NASP: variants seen among roughly 807,000 people sequenced by gnomAD.
NASP encodes the protein nuclear autoantigenic sperm protein.
NASP carries 24 observed loss-of-function variants against 89.5 expected under a neutral mutation model. That is an observed-to-expected ratio of 0.27 (90% CI 0.19 to 0.38). The LOEUF (loss-of-function observed/expected upper bound fraction) is 0.38. NASP is among the 10% of genes least tolerant of loss of function. NASP has a pLI of 1.00. For synonymous variants in NASP, 306 were observed against 324.7 expected, an observed-to-expected ratio of 0.94 and a Z score of 0.62; for missense variants, 848 against 921.4, an observed-to-expected ratio of 0.92 and a Z score of 1.03.
chr1:45,593,228 T>C (rs1411258802), intron 2 of NASP, among the ~76,000 whole-genome samples: 1 of 152,112 alleles, frequency 6.6e-6, no homozygotes, highest in Non-Finnish European at 1.5e-5. Flanking sequence ...GATTCTGATA[T>C]TAGTTGTGTT....
At position 45,606,608 on chromosome 1, in the gene NASP, G is replaced by A; in HGVS notation, c.409+17G>A. ...ACATAGATGGTATGTGGAGTTGCAT[G>A]TGACATTCAAGAGATGCGACGTTGT... On this transcript the variant is annotated intron_variant, in intron 5 of 14. Transcript: ENST00000350030. The A allele has an allele frequency of 6.6e-7, 1 of 1,524,618 alleles. No homozygotes were observed. 94.4% of individuals were successfully genotyped at this position (1,524,618 alleles called of 1,614,324 possible).
chr1:45,587,022 C>T (rs1644560971), intron 1 of NASP, among the ~76,000 whole-genome samples: 1 of 152,122 alleles, frequency 6.6e-6, no homozygotes, highest in South Asian at 2.1e-4. Context: ...ATAGCAGCTT[C>T]ATTGCTTCAG....
chr1:45,592,323 C>T (rs953797745), intron 2 of NASP, among the ~76,000 whole-genome samples: 2 of 152,008 alleles, frequency 1.3e-5, no homozygotes, highest in African/African-American at 2.4e-5. Flanking sequence ...CTTTGTTGGC[C>T]AGGGTGGTCT....
intron 6 of NASP, chr1:45,612,354 T>A (rs1038205348): frequency 6.6e-6 from 1 of 152,184 alleles, no homozygotes; most frequent in Non-Finnish European, 1.5e-5. Context: ...TAATGAAAGA[T>A]GGCAGAGAGA....
At chr1:45,591,015 G>C (rs959264071) in intron 1 of NASP, among the ~76,000 whole-genome samples, 3 of 152,192 alleles carry the variant, frequency 2.0e-5, no homozygotes, top group African/African-American at 7.2e-5. Flanking sequence ...TTATAGCTGT[G>C]AAGTTGCCAC....
intron 2 of NASP, among the ~76,000 whole-genome samples, chr1:45,595,102 TCCTGCCTCAG>T (rs1643656572): frequency 6.7e-6 from 1 of 148,818 alleles, no homozygotes; most frequent in Non-Finnish European, 1.5e-5. Flanking sequence ...CAAGAGATAC[TCCTGCCTCAG>T]CCTGCCAGAC....
intron 1 of NASP, among the ~76,000 whole-genome samples, chr1:45,585,428 T>C (rs949268180): frequency 5.9e-5 from 9 of 152,156 alleles, no homozygotes; most frequent in African/African-American, 2.2e-4. Flanking sequence ...TACCACCTTT[T>C]CTCTCTGCGT....
intron 2 of NASP, among the ~76,000 whole-genome samples, chr1:45,601,148 C>T (rs2148348864): frequency 6.6e-6 from 1 of 152,174 alleles, no homozygotes; most frequent in South Asian, 2.1e-4. Flanking sequence ...TCTTTCAAAA[C>T]CAAGTTTTTC....
chr1:45,612,164 C>A (rs1047148921), intron 6 of NASP: 3 of 152,100 alleles, frequency 2.0e-5, no homozygotes, highest in African/African-American at 7.2e-5. Flanking sequence ...TGAGTCACCG[C>A]GCCTGACCCT....
At chr1:45,602,678 C>CT (rs1228542971) in intron 3 of NASP, among the ~76,000 whole-genome samples, 1 of 152,140 alleles carries the variant, frequency 6.6e-6, no homozygotes, top group Non-Finnish European at 1.5e-5. Flanking sequence ...GACAGGGTCT[C>CT]TGTCACCCAG....
At chr1:45,602,137 G>C in intron 2 of NASP, 118 bp from the exon 3 acceptor site, 2 of 1,229,684 alleles carry the variant, frequency 1.6e-6, no homozygotes, top group Admixed American at 2.9e-5. Context: ...TGTTAGCCAG[G>C]CCTTGCCAGA....
intron 4 of NASP, among the ~76,000 whole-genome samples, chr1:45,605,927 CCA>C (rs936662036): frequency 2.0e-5 from 3 of 151,478 alleles, no homozygotes; most frequent in African/African-American, 7.3e-5. Flanking sequence ...CAAGTATGCG[CCA>C]CCATGTCCAG....
intron 4 of NASP, 42 bp downstream of exon 4, chr1:45,605,058 A>G (rs1643890763): frequency 3.5e-6 from 5 of 1,430,264 alleles, no homozygotes; most frequent in Non-Finnish European, 4.9e-6. Context: ...CCTTGTTAAG[A>G]TTGTTTACTA....
chr1:45,615,105 C>T lies in NASP; in HGVS notation c.1759C>T (p.His587Tyr). 6.2e-7 allele frequency: 1 copy of T among 1,614,122 alleles called. No homozygotes were observed. The highest frequency in any genetic ancestry group is 1.1e-5 in the South Asian group (1 of 91,080). ...CCACGACCGTCTCCTTGCAGAGACC[C>T]ACTACCAGCTGGGCTTGGCTTATGG... is the stretch of plus-strand genomic sequence containing the variant. ...EAHDRLLAET[H>Y]YQLGLAYGYN... Residue 587 changes from histidine to tyrosine, a missense_variant, in exon 10 of 15, where the codon CAC (histidine) becomes TAC (tyrosine). Coordinates refer to ENST00000350030, the MANE Select transcript of NASP (RefSeq NM_002482.4).
At chr1:45,617,710 G>A in intron 14 of NASP, 119 bp downstream of exon 14, 1 of 1,222,022 alleles carries the variant, frequency 8.2e-7, no homozygotes, top group East Asian at 2.5e-5. Context: ...GTTGAGTGCA[G>A]TCCTCACAGA....
chr1:45,616,618 T>G lies in NASP; in HGVS notation c.2080-8T>G. The G allele has an allele frequency of 6.2e-7, 1 of 1,613,434 alleles. No homozygotes were observed. The highest frequency in any genetic ancestry group is 8.5e-7 in the Non-Finnish European group (1 of 1,179,324). ...TGTACAATTGCTAATAAGGGCTTAT[T>G]TTGCCAGATTGCCAGTAGAAAGCCA... On this transcript the variant is annotated splice_polypyrimidine_tract_variant and splice_region_variant and intron_variant, in intron 12 of 14. Transcript: ENST00000350030.
rs1280103747 is a variant in NASP at position 45,586,272 on chromosome 1, GTGTGTGTGTGTGGTGTGTGTGTGTGT to G, written c.59+2068_59+2093del. Among the ~76,000 whole-genome samples, 639 of 74,956 alleles carry G rather than the reference GTGTGTGTGTGTGGTGTGTGTGTGTGT, an allele frequency of 8.5e-3. 13 individuals carry two copies. The highest frequency in any genetic ancestry group is 0.027 in the East Asian group (69 of 2,572). 49.2% of individuals were successfully genotyped at this position (74,956 alleles called of 152,430 possible). A position where few individuals can be genotyped will look rare whatever the true frequency, so the allele number is the denominator to read the frequency against. ...TGTGTGTGTGTGTGTGTGTGTGTGT[GTGTGTGTGTGTGGTGTGTGTGTGTGT>G]GTGTGTGTGTGGTGTGTGTGTGTGT... On this transcript the variant is annotated intron_variant, in intron 1 of 14. Coordinates refer to ENST00000350030, the MANE Select transcript of NASP (RefSeq NM_002482.4).
chr1:45,614,784 G>T (rs1358017960), intron 9 of NASP, among the ~76,000 whole-genome samples: 1 of 151,978 alleles, frequency 6.6e-6, no homozygotes, highest in African/African-American at 2.4e-5. Context: ...TGATCTGCCC[G>T]CCTCAGCCTC....
intron 2 of NASP, among the ~76,000 whole-genome samples, chr1:45,594,215 G>A (rs540220495): frequency 6.6e-6 from 1 of 152,022 alleles, no homozygotes; most frequent in Non-Finnish European, 1.5e-5. Context: ...TGTAATTCCA[G>A]CTACTTGGGA....
Sources: gnomAD v4.1 joint callset for allele counts (sites outside exome capture counted in the v4.1 genomes callset) on GRCh38, gnomAD v4.1.1 for gene constraint, MANE v1.5 for transcripts, NCBI Gene and HGNC (gene_info 2026-07-23, HGNC 2026-07-21) for gene names.